Variants in GABBR2 observed in about 807,000 individuals in gnomAD.
GABBR2 encodes G-protein coupled receptor 51.
GABBR2 carries 23 observed loss-of-function variants against 105.6 expected under a neutral mutation model. That is an observed-to-expected ratio of 0.22 (90% confidence interval 0.16 to 0.31). GABBR2 has a LOEUF of 0.31. Ranked by LOEUF, GABBR2 falls within the 10% of genes least tolerant of loss-of-function variation. The pLI is 1.00. For missense variants in GABBR2, 734 were observed against 1,245.5 expected (o/e 0.59, Z 6.18); for synonymous variants, 478 against 499.7 (o/e 0.96, Z 0.58).
intron 1 of GABBR2, among the ~76,000 whole-genome samples, chr9:98,684,169 T>TTAAAAAAAAA (rs376323708): frequency 0.11 from 7,498 of 65,972 alleles, 1,886 homozygotes; most frequent in Admixed American, 0.13. Flanking sequence ...TTTACCACGG[T>TTAAAAAAAAA]AAAAAAAAAA....
rs1388877794 is a variant in GABBR2 at position 98,480,996 on chromosome 9, C to T, written c.734G>A (p.Gly245Glu). 1.3e-6 allele frequency: 2 copies of T among 1,593,280 alleles called. No individual in the cohort carries two copies. The highest frequency in any genetic ancestry group is 1.3e-5 in the African/African-American group (1 of 74,534). Residue 245 changes from glycine (G) to glutamate (E), a missense_variant and splice_region_variant, in exon 5 of 19, where the codon GGG (glycine) becomes GAG (glutamate). By Grantham distance (98) the Gly-to-Glu change is moderately conservative. Transcript: ENST00000259455. The stretch of plus-strand genomic sequence containing the variant: ...GCCAAGGATGATCCGCACATCATTC[C>T]CCTGTGGATGGAAGGACACATCATG... ...DPCTSVKKLK[G>E]NDVRIILGQF...
At chr9:98,413,585 T>C (rs1246284868) in intron 7 of GABBR2, among the ~76,000 whole-genome samples, 1 of 152,234 alleles carries the variant, frequency 6.6e-6, no homozygotes, top group Non-Finnish European at 1.5e-5. Context: ...TCATAGAGCC[T>C]AGAGCAGTAG....
intron 2 of GABBR2, among the ~76,000 whole-genome samples, chr9:98,561,330 C>T (rs1056873440): frequency 2.6e-5 from 4 of 151,102 alleles, no homozygotes; most frequent in Non-Finnish European, 4.4e-5. Flanking sequence ...ACCCCAGTAG[C>T]AACAAGTATA....
At chr9:98,642,906 C>T (rs539923823) in intron 1 of GABBR2, among the ~76,000 whole-genome samples, 5 of 152,320 alleles carry the variant, frequency 3.3e-5, no homozygotes, top group East Asian at 1.9e-4. Context: ...TAGTTTCCCA[C>T]ACGAGTCCCT....
At chr9:98,659,500 C>A (rs1588272341) in intron 1 of GABBR2, among the ~76,000 whole-genome samples, 1 of 95,146 alleles carries the variant, frequency 1.1e-5, no homozygotes. Context: ...TTTTTTTAAA[C>A]AACCTTTTTT....
intron 3 of GABBR2, among the ~76,000 whole-genome samples, chr9:98,516,842 C>T (rs2131705954): frequency 6.6e-6 from 1 of 152,338 alleles, no homozygotes. Flanking sequence ...GATGCTTATG[C>T]ATCTGCATCT....
rs546094059 is a variant in GABBR2 at position 98,626,058 on chromosome 9, G to A, written c.322-47986C>T. The stretch of plus-strand genomic sequence containing the variant: ...GGGGAGAGCTCCCTGACCGGGAGAA[G>A]AAGCACTGCAGCCGTGGGACCCACC... On this transcript the variant is annotated intron_variant, in intron 1 of 18. Transcript: ENST00000259455. Among the ~76,000 whole-genome samples the A allele has an allele frequency of 2.0e-5, 3 of 152,338 alleles. 1 individual carries two copies. The South Asian group carries it at 6.2e-4, about 32-fold the overall frequency.
At chr9:98,398,460 G>A (rs951597740) in intron 8 of GABBR2, among the ~76,000 whole-genome samples, 1 of 152,090 alleles carries the variant, frequency 6.6e-6, no homozygotes, top group African/African-American at 2.4e-5. Flanking sequence ...AAGTGAGGGG[G>A]CTGCATGGGA....
At chr9:98,508,394 T>C (rs903171969) in intron 3 of GABBR2, among the ~76,000 whole-genome samples, 1 of 152,206 alleles carries the variant, frequency 6.6e-6, no homozygotes, top group African/African-American at 2.4e-5. Context: ...TTCATCTCAC[T>C]GGGGAGTGCC....
At chr9:98,669,938 A>G (rs1830386237) in intron 1 of GABBR2, among the ~76,000 whole-genome samples, 1 of 151,542 alleles carries the variant, frequency 6.6e-6, no homozygotes, top group Non-Finnish European at 1.5e-5. Flanking sequence ...TAGAACCAAG[A>G]GAACGCAACC....
intron 9 of GABBR2, among the ~76,000 whole-genome samples, chr9:98,390,961 C>T (rs1439434306): frequency 6.6e-6 from 1 of 152,166 alleles, no homozygotes; most frequent in Non-Finnish European, 1.5e-5. Flanking sequence ...TTGTGGAAAC[C>T]AAATGCTTGG....
At chr9:98,499,714 TA>T (rs1288696345) in intron 3 of GABBR2, among the ~76,000 whole-genome samples, 1 of 152,242 alleles carries the variant, frequency 6.6e-6, no homozygotes, top group Admixed American at 6.5e-5. Flanking sequence ...AGAAAATTTA[TA>T]AATGCCTAGG....
At chr9:98,577,703 C>T (rs1448230445) in intron 2 of GABBR2, among the ~76,000 whole-genome samples, 3 of 152,136 alleles carry the variant, frequency 2.0e-5, no homozygotes, top group African/African-American at 7.2e-5. Flanking sequence ...AGTGGTGAGC[C>T]CTGAAGCCTT....
At chr9:98,315,767 C>T (rs998627062) in intron 13 of GABBR2, among the ~76,000 whole-genome samples, 15 of 152,242 alleles carry the variant, frequency 9.9e-5, no homozygotes, top group Non-Finnish European at 5.9e-5. Context: ...GGATTACCCT[C>T]TGCTGGGGAC....
intron 6 of GABBR2, among the ~76,000 whole-genome samples, chr9:98,456,126 G>A (rs981116740): frequency 4.6e-5 from 7 of 151,876 alleles, no homozygotes; most frequent in Admixed American, 6.6e-5. Flanking sequence ...CTCCATGCCC[G>A]CTGGCTCTTG....
intron 7 of GABBR2, 148 bp from the exon 8 acceptor site, chr9:98,406,289 A>G (rs896289923): frequency 3.6e-6 from 2 of 548,770 alleles, no homozygotes; most frequent in African/African-American, 4.0e-5. Flanking sequence ...CCACAGATGA[A>G]AATCAAACTA....
intron 1 of GABBR2, among the ~76,000 whole-genome samples, chr9:98,627,324 G>GACC (rs978577341): frequency 6.6e-6 from 1 of 152,140 alleles, no homozygotes; most frequent in African/African-American, 2.4e-5. Context: ...AGGGTGCCTG[G>GACC]ACCACCAGAA....
At chr9:98,311,658 T>C (rs1402613588) in intron 13 of GABBR2, among the ~76,000 whole-genome samples, 2 of 152,356 alleles carry the variant, frequency 1.3e-5, no homozygotes, top group Middle Eastern at 3.4e-3. Context: ...GCCTGGGGCC[T>C]GCCAAACCCT....
rs142385145 is a variant in GABBR2, at chr9:98,381,384, C to T, written c.1662+4256G>A. 5.7e-4 allele frequency among the ~76,000 whole-genome samples: 87 copies of T among 152,248 alleles called. 1 individual carries two copies. In the East Asian group the frequency reaches 0.01, roughly 18 times the overall value. ...CAGCTCCCCACTCGGTGGGAGTTTG[C>T]TGGGAGCAGCCTTCTAGGTCCGAAG... On this transcript the variant is annotated intron_variant, in intron 11 of 18. Coordinates refer to ENST00000259455, the MANE Select transcript of GABBR2 (RefSeq NM_005458.8).
Sources: gnomAD v4.1 joint callset for allele counts (sites outside exome capture counted in the v4.1 genomes callset) on GRCh38, gnomAD v4.1.1 for gene constraint, MANE v1.5 for transcripts, NCBI Gene and HGNC (gene_info 2026-07-23, HGNC 2026-07-21) for gene names.